The following PCDHGA3 variants were observed in gnomAD, a reference collection of about 807,000 sequenced individuals.
PCDHGA3 encodes protocadherin gamma-A3.
In PCDHGA3, 40 loss-of-function variants were observed where a neutral mutation model predicts 58.5. The observed-to-expected ratio is 0.68, with a 90% CI of 0.53 to 0.89. PCDHGA3 has a LOEUF of 0.89. PCDHGA3 is among the 40% of genes least tolerant of loss of function. The pLI is 0.00. For missense variants in PCDHGA3, 1,223 were observed against 1,195.9 expected (o/e 1.02, Z -0.33); for synonymous variants, 530 against 525.7 (o/e 1.01, Z -0.11).
chr5:141,350,193 T>C (rs987250508), intron 1 of PCDHGA3: 1 of 1,401,174 alleles, frequency 7.1e-7, no homozygotes, highest in Admixed American at 2.8e-5. Context: ...ATCACAGAAG[T>C]CCAGGGTGCT....
intron 1 of PCDHGA3, chr5:141,441,917 A>G (rs979307331): frequency 3.1e-5 from 11 of 352,364 alleles, no homozygotes; most frequent in African/African-American, 2.0e-4. Context: ...GATGTGAGAC[A>G]CAATGCGTGG....
At chr5:141,433,361 A>G (rs1208326325) in intron 1 of PCDHGA3, 15 of 297,508 alleles carry the variant, frequency 5.0e-5, no homozygotes, top group Non-Finnish European at 7.0e-5. Context: ...CTGTCTGCCT[A>G]TCTATCTATC....
In PCDHGA3 at chr5:141,423,758, G is replaced by T. The variant is rs1192987646; in HGVS notation, c.2425-71049G>T. Reference sequence around the variant, plus strand: ...CTGTTATGAAAACTGTTTGGGGGGGGGGTGGGGCGGCATATATTTAGTTCA... The same window carrying T: ...CTGTTATGAAAACTGTTTGGGGGGGTGGTGGGGCGGCATATATTTAGTTCA... On this transcript the variant is annotated intron_variant, in intron 1 of 3. Transcript: ENST00000253812. 1.4e-4 allele frequency: 53 copies of T among 366,832 alleles called. 6 individuals carry two copies. The highest frequency in any genetic ancestry group is 3.4e-4 in the South Asian group (4 of 11,762). 22.7% of individuals were successfully genotyped at this position (366,832 alleles called of 1,614,324 possible).
At chr5:141,420,748 C>G (rs2096523185) in intron 1 of PCDHGA3, among the ~76,000 whole-genome samples, 1 of 152,214 alleles carries the variant, frequency 6.6e-6, no homozygotes, top group Non-Finnish European at 1.5e-5. Context: ...TTGGAACCAA[C>G]TACAACCTAC....
At chr5:141,444,578 C>G (rs1030770037) in intron 1 of PCDHGA3, among the ~76,000 whole-genome samples, 1 of 152,134 alleles carries the variant, frequency 6.6e-6, no homozygotes, top group Non-Finnish European at 1.5e-5. Context: ...TTGACTCTTC[C>G]TTTCTACTTA....
intron 1 of PCDHGA3, among the ~76,000 whole-genome samples, chr5:141,462,479 GGTT>G (rs1329069527): frequency 6.6e-6 from 1 of 151,838 alleles, no homozygotes; most frequent in Non-Finnish European, 1.5e-5. Flanking sequence ...TGCTTCTCGT[GGTT>G]GTTGTATCCT....
In PCDHGA3 at chr5:141,376,000, G is replaced by A. The variant is rs771269314; in HGVS notation, c.2424+29543G>A. The A allele has an allele frequency of 1.4e-5, 22 of 1,613,334 alleles. No individual in the cohort carries two copies. In the Admixed American group the frequency reaches 3.3e-4, roughly 24 times the overall value. On this transcript the variant is annotated intron_variant, in intron 1 of 3. Transcript: ENST00000253812. Reference sequence around the variant, plus strand: ...CCCTGCTGGACAGAGACGCGCTCAAGCAGAGCCTAGTGGTGGCCGTCCAGG... The same window carrying A: ...CCCTGCTGGACAGAGACGCGCTCAAACAGAGCCTAGTGGTGGCCGTCCAGG...
chr5:141,353,634 C>T (rs909718764), intron 1 of PCDHGA3, among the ~76,000 whole-genome samples: 1 of 152,114 alleles, frequency 6.6e-6, no homozygotes, highest in Non-Finnish European at 1.5e-5. Context: ...TATGCTCTTT[C>T]TATTTTGTCT....
At chr5:141,404,516 T>G (rs968433488) in intron 1 of PCDHGA3, 1 of 1,613,754 alleles carries the variant, frequency 6.2e-7, no homozygotes, top group African/African-American at 1.3e-5. Flanking sequence ...CTCCTTTGAC[T>G]ATGAGCAGTT....
At chr5:141,363,540 C>T (rs1762965005) in intron 1 of PCDHGA3, among the ~76,000 whole-genome samples, 1 of 152,204 alleles carries the variant, frequency 6.6e-6, no homozygotes, top group Admixed American at 6.5e-5. Context: ...ACTGGAACTA[C>T]AAATATTTGA....
chr5:141,494,115 GC>G (rs1445167222), intron 1 of PCDHGA3, among the ~76,000 whole-genome samples: 1 of 152,186 alleles, frequency 6.6e-6, no homozygotes, highest in African/African-American at 2.4e-5. Context: ...AGACAGAGCA[GC>G]CTTGTTCTCT....
At position 141,387,719 on chromosome 5, in the gene PCDHGA3, C is replaced by T. The variant is rs953272587; in HGVS notation, c.2424+41262C>T. The T allele has an allele frequency of 4.5e-6, 5 of 1,115,502 alleles. No homozygotes were observed. In the African/African-American group the frequency reaches 4.7e-5, roughly 11 times the overall value. 69.1% of individuals were successfully genotyped at this position (1,115,502 alleles called of 1,614,324 possible). On this transcript the variant is annotated intron_variant, in intron 1 of 3. Transcript: ENST00000253812. The stretch of plus-strand genomic sequence containing the variant: ...TTCCAGGGCAGCCCCAGCTCAGACT[C>T]CCCAGCGCCAGCCTTTACACCGCTT...
intron 1 of PCDHGA3, chr5:141,395,540 GTT>G (rs1195680754): frequency 2.1e-5 from 4 of 186,176 alleles, no homozygotes; most frequent in South Asian, 7.0e-5. Flanking sequence ...TTTTGCTATT[GTT>G]TGTGTGTGTG....
At position 141,485,129 on chromosome 5, in the gene PCDHGA3, T is replaced by G. The variant is rs761201450; in HGVS notation, c.2425-9678T>G. 2.1e-6 allele frequency: 3 copies of G among 1,462,964 alleles called. No individual in the cohort carries two copies. Among genetic ancestry groups the G allele is most frequent in the Non-Finnish European group, 2.8e-6 (3 of 1,053,766 alleles). 90.6% of individuals were successfully genotyped at this position (1,462,964 alleles called of 1,614,324 possible). A position where few individuals can be genotyped will look rare whatever the true frequency, so the allele number is the denominator to read the frequency against. On this transcript the variant is annotated intron_variant, in intron 1 of 3. Coordinates refer to ENST00000253812, the MANE Select transcript of PCDHGA3 (RefSeq NM_018916.4). The surrounding 1 kb of genome is among the most constrained non-coding windows in gnomAD (Gnocchi z 5.7). ...TGTGGCTGTTTGGGGCGGGTCGGCT[T>G]CATCCGCGTCTCAGGAGCAAGTAGA...
chr5:141,357,073 G>A (rs771776855), intron 1 of PCDHGA3: 43 of 1,613,956 alleles, frequency 2.7e-5, no homozygotes, highest in Non-Finnish European at 3.6e-5. Context: ...GCACACAGGC[G>A]AGGTGCGCAC....
At chr5:141,356,760 C>A (rs1173704471) in intron 1 of PCDHGA3, 1 of 1,613,850 alleles carries the variant, frequency 6.2e-7, no homozygotes, top group South Asian at 1.1e-5. Context: ...TTTGCTCCTT[C>A]GACTATGAGC....
At chr5:141,467,846 A>G (rs984687278) in intron 1 of PCDHGA3, among the ~76,000 whole-genome samples, 2 of 151,926 alleles carry the variant, frequency 1.3e-5, no homozygotes, top group Non-Finnish European at 2.9e-5. Context: ...TTTTTGTAGA[A>G]TGAGATTTCA....
intron 1 of PCDHGA3, chr5:141,414,202 G>A: frequency 6.2e-7 from 1 of 1,611,912 alleles, no homozygotes; most frequent in Non-Finnish European, 8.5e-7. Flanking sequence ...TACAGTAGAA[G>A]ATGTAAATGA....
intron 1 of PCDHGA3, chr5:141,390,425 G>A (rs908766072): frequency 9.6e-7 from 1 of 1,042,070 alleles, no homozygotes. Flanking sequence ...TTAAAAAGCT[G>A]TCATATCATT....
Sources: allele counts gnomAD v4.1 joint callset (sites outside exome capture counted in the v4.1 genomes callset), GRCh38; gene constraint gnomAD v4.1.1; non-coding constraint Gnocchi (gnomAD v3.1); transcripts MANE v1.5; gene names NCBI Gene and HGNC (gene_info 2026-07-23, HGNC 2026-07-21).